SLC39A8: variants seen among roughly 807,000 people sequenced by gnomAD.
The protein encoded by SLC39A8 is metal cation symporter ZIP8.
In SLC39A8, 15 loss-of-function variants were observed where a neutral mutation model predicts 40.4. That is an observed-to-expected ratio of 0.37 (90% CI 0.25 to 0.57). The LOEUF is 0.57. SLC39A8 is among the 20% of genes least tolerant of loss of function. The pLI is 0.75. For missense variants in SLC39A8, 472 were observed against 558.8 expected, an observed-to-expected ratio of 0.84 and a Z score of 1.57; for synonymous variants, 223 against 221.6, an observed-to-expected ratio of 1.01 and a Z score of -0.06.
chr4:102,268,079 C>A lies in SLC39A8; in HGVS notation c.841G>T (p.Asp281Tyr). 6.2e-7 allele frequency: 1 copy of A among 1,614,006 alleles called. No individual in the cohort carries two copies. Among genetic ancestry groups the A allele is most frequent in the Non-Finnish European group, 8.5e-7 (1 of 1,179,944 alleles). The change falls in exon 7 of 9, where the codon GAT becomes TAT. Residue 281 changes from aspartate to tyrosine, a missense_variant and splice_region_variant. Coordinates refer to ENST00000356736, the MANE Select transcript of SLC39A8 (RefSeq NM_001135146.2). ...CATGAACTTGGCTCTTTTTTTCCAT[C>A]CTAGCAGAAAATCAATTAAAATGAT... ...FDNVSVVSLQDGKKEPSSCTC... is the reference protein window; with the variant it reads ...FDNVSVVSLQYGKKEPSSCTC...
At position 102,344,646 on chromosome 4, in the gene SLC39A8, G is replaced by A. The variant is rs1163442960; in HGVS notation, c.17C>T (p.Ala6Val). The change falls in exon 2 of 9, where the codon GCG (alanine) becomes GTG (valine). Residue 6 changes from alanine (A) to valine (V), a missense_variant. Ala to Val is a moderately conservative substitution (Grantham distance 64). Around this residue, in one of 4 missense-constraint regions of SLC39A8, gnomAD observed 175 missense variants for 160.5 expected, o/e 1.09. Transcript: ENST00000356736. MAPGR[A>V]VAGLLLLAAA... The stretch of plus-strand genomic sequence containing the variant: ...CGCCAGCAACAGGAGCCCGGCCACC[G>A]CGCGACCCGGGGCCATCCTGGCCTG... 1 of 1,535,974 alleles carries A rather than the reference G, an allele frequency of 6.5e-7. No homozygotes were observed. Among genetic ancestry groups the A allele is most frequent in the Non-Finnish European group, 8.8e-7 (1 of 1,142,410 alleles).
downstream of SLC39A8, among the ~76,000 whole-genome samples, chr4:102,257,574 G>A (rs1258191743): frequency 1.3e-5 from 2 of 152,118 alleles, no homozygotes; most frequent in Admixed American, 6.5e-5. Flanking sequence ...GTCTCTTGTC[G>A]AAGTTCTCCA....
rs760756598 is a variant in SLC39A8 at position 102,315,804 on chromosome 4, G to A, written c.246C>T (p.Ser82=). 4 of 1,611,476 alleles carry A rather than the reference G, an allele frequency of 2.5e-6. No homozygotes were observed. Among genetic ancestry groups the A allele is most frequent in the Non-Finnish European group, 3.4e-6 (4 of 1,178,610 alleles). The change falls in exon 3 of 9, where the codon TCC becomes TCT. Residue 82 remains serine, a synonymous_variant. Coordinates refer to ENST00000356736, the MANE Select transcript of SLC39A8 (RefSeq NM_001135146.2). ...NQCLTAEEIF[S]LHGFSNATQI... ...GGGTAGCATTTGAAAAGCCATGAAG[G>A]GAAAAGATCTCTTCAGCAGTTAAAC... is the stretch of plus-strand genomic sequence containing the variant.
intron 2 of SLC39A8, among the ~76,000 whole-genome samples, chr4:102,326,081 G>C (rs1477114355): frequency 6.6e-6 from 1 of 152,146 alleles, no homozygotes; most frequent in African/African-American, 2.4e-5. Flanking sequence ...ATGTCTTCAG[G>C]GGGCAGAGGC....
intron 1 of SLC39A8, 92 bp from the exon 2 acceptor site, chr4:102,345,007 A>C: frequency 7.4e-6 from 6 of 811,058 alleles, no homozygotes; most frequent in Non-Finnish European, 6.2e-6. Flanking sequence ...GTAGCCCTCA[A>C]ACGCCCGGCC....
At chr4:102,319,086 G>A (rs765888519) in intron 2 of SLC39A8, among the ~76,000 whole-genome samples, 38 of 152,190 alleles carry the variant, frequency 2.5e-4, no homozygotes, top group Non-Finnish European at 5.1e-4. Context: ...TAGGGGCTAG[G>A]TATATATTAC....
At chr4:102,272,436 GA>G (rs34007368) in intron 6 of SLC39A8, among the ~76,000 whole-genome samples, 46,831 of 147,654 alleles carry the variant, frequency 0.32, 7,547 homozygotes, top group South Asian at 0.38. Context: ...CTCCATCTCA[GA>G]AAAAAAAAAG....
intron 2 of SLC39A8, among the ~76,000 whole-genome samples, chr4:102,342,983 G>A (rs1233623883): frequency 6.6e-6 from 1 of 152,122 alleles, no homozygotes; most frequent in African/African-American, 2.4e-5. Flanking sequence ...CAGCTCAGTT[G>A]TTTCCCCTAT....
At chr4:102,267,149 G>A (rs1732138072) in intron 8 of SLC39A8, among the ~76,000 whole-genome samples, 1 of 152,054 alleles carries the variant, frequency 6.6e-6, no homozygotes. Flanking sequence ...GGGAGAAAAA[G>A]GAGAAAAAGT....
At chr4:102,322,219 C>G (rs1254892383) in intron 2 of SLC39A8, among the ~76,000 whole-genome samples, 1 of 152,186 alleles carries the variant, frequency 6.6e-6, no homozygotes, top group Non-Finnish European at 1.5e-5. Context: ...TAAACCATTT[C>G]TGCCGCCATG....
At chr4:102,325,233 C>T (rs901653253) in intron 2 of SLC39A8, among the ~76,000 whole-genome samples, 5 of 152,104 alleles carry the variant, frequency 3.3e-5, no homozygotes, top group Admixed American at 2.6e-4. Flanking sequence ...GCCAAGAACA[C>T]TCTATAAAAA....
chr4:102,331,371 C>T (rs1336519523), intron 2 of SLC39A8, among the ~76,000 whole-genome samples: 1 of 152,092 alleles, frequency 6.6e-6, no homozygotes, highest in Non-Finnish European at 1.5e-5. Flanking sequence ...TTCCTATACA[C>T]CAATAACAGA....
intron 6 of SLC39A8, among the ~76,000 whole-genome samples, chr4:102,294,678 T>C (rs1733604068): frequency 6.6e-6 from 1 of 152,078 alleles, no homozygotes; most frequent in South Asian, 2.1e-4. Flanking sequence ...GCAACCCTTA[T>C]TGCAACAGTC....
chr4:102,291,753 C>T (rs189978674), intron 6 of SLC39A8, among the ~76,000 whole-genome samples: 2 of 152,074 alleles, frequency 1.3e-5, no homozygotes, highest in East Asian at 1.9e-4. Context: ...TCTAATGAAC[C>T]TGACACCAGG....
intron 2 of SLC39A8, among the ~76,000 whole-genome samples, chr4:102,328,569 A>C (rs576803183): frequency 1.3e-5 from 2 of 152,314 alleles, no homozygotes; most frequent in Non-Finnish European, 2.9e-5. Flanking sequence ...AAAAAGGTTG[A>C]AGTTATTTAT....
intron 2 of SLC39A8, among the ~76,000 whole-genome samples, chr4:102,319,366 G>T (rs1734802676): frequency 1.3e-5 from 2 of 152,174 alleles, no homozygotes; most frequent in Admixed American, 6.5e-5. Context: ...CTTCAATACT[G>T]ACAAAGATTC....
chr4:102,324,562 T>C (rs191543845), intron 2 of SLC39A8, among the ~76,000 whole-genome samples: 2 of 152,374 alleles, frequency 1.3e-5, no homozygotes, highest in East Asian at 3.9e-4. Context: ...GCTCCAAAAA[T>C]GCTGTGAAGA....
At position 102,256,329 on chromosome 4, in the gene SLC39A8, T is replaced by C. The variant is rs2298751; in HGVS notation, c.*299-2899A>G. 7.9e-3 allele frequency among the ~76,000 whole-genome samples: 1,208 copies of C among 152,318 alleles called. 42 individuals carry two copies. Among genetic ancestry groups the C allele is most frequent in the Admixed American group, 0.043 (664 of 15,298 alleles). On this transcript the variant is annotated intron_variant and NMD_transcript_variant, in intron 11 of 11. Coordinates refer to the SLC39A8 transcript ENST00000424970. ...TATAGATACATCTACACGAGAAGGA[T>C]TCCCATAAGGCATAAACTGTTCAAT...
At chr4:102,261,247 T>C (rs1234222438), downstream of SLC39A8, among the ~76,000 whole-genome samples, 1 of 152,220 alleles carries the variant, frequency 6.6e-6, no homozygotes, top group Non-Finnish European at 1.5e-5. Context: ...AACCAGAGCA[T>C]GGAGGACAGA....
Sources: allele counts gnomAD v4.1 joint callset (sites outside exome capture counted in the v4.1 genomes callset), GRCh38; gene constraint gnomAD v4.1.1; regional missense constraint gnomAD v4.1.1; transcripts MANE v1.5; gene names NCBI Gene and HGNC (gene_info 2026-07-23, HGNC 2026-07-21).